VASH2: variants seen among roughly 807,000 people sequenced by gnomAD.
VASH2 encodes vasohibin 2, also known as tubulinyl-Tyr carboxypeptidase 2.
Under a neutral mutation model 37.2 loss-of-function variants are expected in VASH2, and 28 were observed. The observed-to-expected ratio is 0.75, with a 90% CI of 0.56 to 1.03. The LOEUF is 1.03. VASH2 is among the 50% of genes least tolerant of loss of function. VASH2 has a pLI of 0.00. For missense variants in VASH2, 419 were observed against 459.1 expected, an observed-to-expected ratio of 0.91 and a Z score of 0.80; for synonymous variants, 188 against 174.7, an observed-to-expected ratio of 1.08 and a Z score of -0.60.
At position 212,978,364 on chromosome 1, in the gene VASH2, C is replaced by T. The variant is rs570946784; in HGVS notation, c.995+4294C>T. Among the ~76,000 whole-genome samples the T allele has an allele frequency of 3.9e-5, 6 of 152,266 alleles. No individual in the cohort carries two copies. The South Asian group carries it at 1.0e-3, about 26-fold the overall frequency. Reference sequence around the variant, plus strand: ...TACCCTGCCAGCACATCAGAGTGGGCCTGGGAATGGGGAGAAAGACTGGGG... The same window carrying T: ...TACCCTGCCAGCACATCAGAGTGGGTCTGGGAATGGGGAGAAAGACTGGGG... On this transcript the variant is annotated intron_variant, in intron 7 of 7. Transcript: ENST00000517399.
chr1:212,970,656 G>A (rs770380819), intron 5 of VASH2, among the ~76,000 whole-genome samples: 2 of 152,104 alleles, frequency 1.3e-5, no homozygotes, highest in Non-Finnish European at 2.9e-5. Flanking sequence ...TTGGGAGGCC[G>A]AGGAGGACAG....
chr1:212,953,179 C>T (rs1185379429), intron 2 of VASH2, among the ~76,000 whole-genome samples: 1 of 152,240 alleles, frequency 6.6e-6, no homozygotes, highest in East Asian at 1.9e-4. Context: ...CCGTACCAAC[C>T]CTGCCTCTAA....
In VASH2 at chr1:212,990,795, A is replaced by T. The variant is rs2075851048; in HGVS notation, c.*2211A>T. On this transcript the variant is annotated 3_prime_UTR_variant, in exon 8 of 8. Coordinates refer to ENST00000517399, the MANE Select transcript of VASH2 (RefSeq NM_001301056.2). ...TTTAGTCACACAAACTTGAAAGTAC[A>T]TTTAAAATGTTCTTAGTTGTCATCC... The T allele has an allele frequency of 6.6e-6, 1 of 152,168 alleles. No homozygotes were observed. Among genetic ancestry groups the T allele is most frequent in the South Asian group, 2.1e-4 (1 of 4,834 alleles). 9.4% of individuals were successfully genotyped at this position (152,168 alleles called of 1,614,324 possible). A position where few individuals can be genotyped will look rare whatever the true frequency, so the allele number is the denominator to read the frequency against.
At chr1:212,970,218 C>A (rs957807721) in intron 5 of VASH2, among the ~76,000 whole-genome samples, 1 of 152,218 alleles carries the variant, frequency 6.6e-6, no homozygotes, top group Admixed American at 6.5e-5. Context: ...GGTTACTCCC[C>A]TGCCTGCCTC....
At chr1:212,978,684 A>G (rs1407856560) in intron 7 of VASH2, among the ~76,000 whole-genome samples, 1 of 152,232 alleles carries the variant, frequency 6.6e-6, no homozygotes, top group African/African-American at 2.4e-5. Flanking sequence ...TGCTCCCAGT[A>G]GGTCAGAGTC....
chr1:212,972,873 G>A lies in VASH2; in HGVS notation c.791G>A (p.Trp264Ter), dbSNP rs1459722563. ...CCTCATAGCTTCCAGCCCATTGAGT[G>A]GAAGCAGCTGGTCCTCAACGTCTCA... ...HEPHSFQPIE[W>*]KQLVLNVSKM... is the part of the protein sequence containing the mutation. The change falls in exon 6 of 8, where the codon TGG (tryptophan) becomes TAG (stop). Residue 264 changes from tryptophan to a stop codon, truncating the protein, a stop_gained. Coordinates refer to ENST00000517399, the MANE Select transcript of VASH2 (RefSeq NM_001301056.2). LOFTEE classifies it high-confidence loss of function. The A allele has an allele frequency of 1.2e-6, 2 of 1,614,212 alleles. No individual in the cohort carries two copies. The highest frequency in any genetic ancestry group is 1.7e-5 in the Admixed American group (1 of 60,028).
Position 212,972,825 on chromosome 1 carries a change from T to C in VASH2, c.743T>C (p.Ile248Thr), listed in dbSNP as rs779117080. ...KYLHTVKKVK[I>T]GLYVPHEPHS... ...CTGCACACAGTCAAGAAGGTCAAGA[T>C]TGGGCTGTACGTCCCCCATGAGCCT... The change falls in exon 6 of 8, where the codon ATT becomes ACT. Residue 248 changes from isoleucine (I) to threonine (T), a missense_variant. Physicochemically the swap from Ile to Thr is moderately conservative, Grantham distance 89. This residue lies in a region of VASH2 where 177 missense variants were observed against 166.2 expected (regional missense o/e 1.06). Transcript: ENST00000517399. 8.7e-6 allele frequency: 14 copies of C among 1,614,070 alleles called. No homozygotes were observed. In the Admixed American group the frequency reaches 1.7e-4, roughly 19 times the overall value.
intron 7 of VASH2, among the ~76,000 whole-genome samples, chr1:212,976,745 G>A (rs1421217580): frequency 7.9e-6 from 1 of 127,012 alleles, no homozygotes; most frequent in Non-Finnish European, 1.6e-5. Context: ...CTACCTTCTG[G>A]TGTTGAGGCA....
rs1307141799 is a variant in VASH2, at chr1:212,971,737, T to C, written c.498-843T>C. On this transcript the variant is annotated intron_variant, in intron 5 of 7. Coordinates refer to ENST00000517399, the MANE Select transcript of VASH2 (RefSeq NM_001301056.2). This position sits in a 1 kb window ranked among gnomAD's most constrained non-coding sequence, Gnocchi z 4.0. The stretch of plus-strand genomic sequence containing the variant: ...CAGAGGACAAGGCTGCCGCCAGTGC[T>C]GTGGATGGATTCTGTCAGCATCCTT... Among the ~76,000 whole-genome samples, 1 of 152,130 alleles carries C rather than the reference T, an allele frequency of 6.6e-6. No homozygotes were observed. Among genetic ancestry groups the C allele is most frequent in the African/African-American group, 2.4e-5 (1 of 41,424 alleles).
At chr1:212,959,266 C>CTGTGTGTGTG (rs140070220) in intron 2 of VASH2, among the ~76,000 whole-genome samples, 2 of 151,006 alleles carry the variant, frequency 1.3e-5, no homozygotes, top group Non-Finnish European at 3.0e-5. Context: ...TTGACTTGCT[C>CTGTGTGTGTG]TGTGTGTGTG....
At chr1:212,968,775 G>T (rs1666921776) in intron 5 of VASH2, 2 of 985,400 alleles carry the variant, frequency 2.0e-6, no homozygotes, top group Non-Finnish European at 2.4e-6. Flanking sequence ...GGGGGCAGAT[G>T]ATTGGCTGGG....
chr1:212,978,201 C>T (rs548832177), intron 7 of VASH2, among the ~76,000 whole-genome samples: 20 of 152,324 alleles, frequency 1.3e-4, no homozygotes, highest in African/African-American at 4.8e-4. Flanking sequence ...TCCTTCATCC[C>T]CTAGGCCATG....
At chr1:212,965,985 T>C in intron 4 of VASH2, 1 of 609,940 alleles carries the variant, frequency 1.6e-6, no homozygotes, top group South Asian at 2.0e-5. Flanking sequence ...AATTCTAGCT[T>C]CCAGGGTGGA....
intron 7 of VASH2, among the ~76,000 whole-genome samples, chr1:212,982,354 C>A (rs1667363545): frequency 6.6e-6 from 1 of 152,228 alleles, no homozygotes; most frequent in Admixed American, 6.5e-5. Context: ...TCTTTCATTT[C>A]TTTGCCTTGT....
chr1:212,969,152 A>T, intron 5 of VASH2: 1 of 982,588 alleles, frequency 1.0e-6, no homozygotes, highest in Non-Finnish European at 1.2e-6. Flanking sequence ...GGGAAATTTG[A>T]CTCTTGCACA....
At chr1:212,968,764 T>TG (rs1666921496) in intron 5 of VASH2, 1 of 985,242 alleles carries the variant, frequency 1.0e-6, no homozygotes, top group Admixed American at 6.2e-5. Context: ...GCAAGTTTAA[T>TG]GGGGGCAGAT....
Position 212,951,060 on chromosome 1 carries a change from G to A in VASH2, c.-204-279G>A. ...CCTGTTCCTTCATGCTACACAAGCT[G>A]TCTTTCTTCTCCCCACATCTTGCGC... On this transcript the variant is annotated intron_variant, in intron 1 of 7. Coordinates refer to ENST00000517399, the MANE Select transcript of VASH2 (RefSeq NM_001301056.2). This position sits in a 1 kb window ranked among gnomAD's most constrained non-coding sequence, Gnocchi z 4.4. The A allele has an allele frequency of 6.6e-6, 1 of 152,580 alleles. No individual in the cohort carries two copies. Among genetic ancestry groups the A allele is most frequent in the African/African-American group, 2.4e-5 (1 of 41,590 alleles). 9.5% of individuals were successfully genotyped at this position (152,580 alleles called of 1,614,324 possible). A position where few individuals can be genotyped will look rare whatever the true frequency, so the allele number is the denominator to read the frequency against.
chr1:212,968,346 A>G lies in VASH2; in HGVS notation c.497+2001A>G, dbSNP rs556731012. ...TTAAGAAGGAAAGAGAGGTAGAAAG[A>G]AAACCAGGAGAGAAAGGGGATGGAG... On this transcript the variant is annotated intron_variant, in intron 5 of 7. Transcript: ENST00000517399. 11 of 985,516 alleles carry G rather than the reference A, an allele frequency of 1.1e-5. No individual in the cohort carries two copies. In the Admixed American group the frequency reaches 6.8e-4, roughly 61 times the overall value. 61.0% of individuals were successfully genotyped at this position (985,516 alleles called of 1,614,324 possible).
At chr1:212,983,212 G>A (rs1667385360) in intron 7 of VASH2, among the ~76,000 whole-genome samples, 1 of 152,178 alleles carries the variant, frequency 6.6e-6, no homozygotes, top group Non-Finnish European at 1.5e-5. Flanking sequence ...ATTATGAATT[G>A]GCAGGATTCT....
Sources: gnomAD v4.1 joint callset for allele counts (sites outside exome capture counted in the v4.1 genomes callset) on GRCh38, gnomAD v4.1.1 for gene constraint, gnomAD v4.1.1 regional missense constraint, Gnocchi (gnomAD v3.1) non-coding constraint, MANE v1.5 for transcripts, NCBI Gene and HGNC (gene_info 2026-07-23, HGNC 2026-07-21) for gene names.